The following CYP4F22 variants were observed in gnomAD, a reference collection of about 807,000 sequenced individuals.
CYP4F22 encodes the protein ultra-long-chain fatty acid omega-hydroxylase.
In CYP4F22, 37 loss-of-function variants were observed where a neutral mutation model predicts 60.4. The ratio of observed to expected loss-of-function variants is 0.61; its 90% CI spans 0.47 to 0.81. The LOEUF (loss-of-function observed/expected upper bound fraction) is 0.81, where lower values mean the gene tolerates loss of function less well. Among genes scored for constraint, CYP4F22 ranks in the 30% least tolerant of loss-of-function variants. CYP4F22 has a pLI of 0.00. For missense variants in CYP4F22, 655 were observed against 715.0 expected, an observed-to-expected ratio of 0.92 and a Z score of 0.96; for synonymous variants, 258 against 280.5, an observed-to-expected ratio of 0.92 and a Z score of 0.80.
chr19:15,550,984 C>T (rs539504980), intron 13 of CYP4F22, among the ~76,000 whole-genome samples: 1 of 152,242 alleles, frequency 6.6e-6, no homozygotes, highest in East Asian at 1.9e-4. Context: ...TGGGCTCCCA[C>T]GCTCCCATTG....
chr19:15,515,817 G>A (rs1290091477), intron 1 of CYP4F22, among the ~76,000 whole-genome samples: 2 of 151,878 alleles, frequency 1.3e-5, no homozygotes, highest in Admixed American at 1.3e-4. Context: ...TCTGCCTCCT[G>A]GGTTCACGCC....
chr19:15,528,930 T>C (rs554633043), intron 3 of CYP4F22, among the ~76,000 whole-genome samples: 49 of 152,146 alleles, frequency 3.2e-4, no homozygotes, highest in African/African-American at 1.1e-3. Context: ...ATTATTGTGT[T>C]TATCATTACT....
intron 1 of CYP4F22, among the ~76,000 whole-genome samples, chr19:15,518,737 T>C (rs928013854): frequency 6.8e-6 from 1 of 146,548 alleles, no homozygotes; most frequent in Admixed American, 6.8e-5. Context: ...CTAAATTTCA[T>C]TTAGAGCAAA....
intron 1 of CYP4F22, chr19:15,516,060 A>C (rs1971151613): frequency 6.6e-6 from 1 of 152,206 alleles, no homozygotes; most frequent in Non-Finnish European, 1.5e-5. Flanking sequence ...AAAAAGAAAA[A>C]GATGTTTAGT....
chr19:15,510,331 G>A (rs564199473), intron 1 of CYP4F22, among the ~76,000 whole-genome samples: 2 of 152,200 alleles, frequency 1.3e-5, no homozygotes, highest in East Asian at 3.9e-4. Flanking sequence ...AACCCCAGAT[G>A]GCCAGGTCAC....
rs1475268624 is a variant in CYP4F22 at position 15,547,980 on chromosome 19, AGAGAGAGAGAGAGAGG to A, written c.1137-120_1137-105del. 1.1e-4 allele frequency: 112 copies of A among 1,004,074 alleles called. 1 individual carries two copies. The highest frequency in any genetic ancestry group is 9.2e-4 in the African/African-American group (32 of 34,780). 62.2% of individuals were successfully genotyped at this position (1,004,074 alleles called of 1,614,324 possible). ...GCCCAGCTGCCCCTGAGAGAGAGAG[AGAGAGAGAGAGAGAGG>A]GAGAGAGTGTGTGTGTGTGTGTGTG... On this transcript the variant is annotated intron_variant, in intron 10 of 13. Coordinates refer to ENST00000269703, the MANE Select transcript of CYP4F22 (RefSeq NM_173483.4).
intron 1 of CYP4F22, among the ~76,000 whole-genome samples, chr19:15,514,941 G>A (rs1010959657): frequency 1.1e-4 from 16 of 152,172 alleles, no homozygotes; most frequent in African/African-American, 3.4e-4. Flanking sequence ...TCTCTGGTGT[G>A]GCTGTCCAGG....
intron 1 of CYP4F22, among the ~76,000 whole-genome samples, chr19:15,516,260 C>A (rs1020725566): frequency 1.3e-5 from 2 of 152,200 alleles, no homozygotes; most frequent in Non-Finnish European, 2.9e-5. Flanking sequence ...ACAGGCATGT[C>A]CCAGCTCGCA....
At chr19:15,510,988 T>G (rs1278912523) in intron 1 of CYP4F22, among the ~76,000 whole-genome samples, 7 of 128,584 alleles carry the variant, frequency 5.4e-5, no homozygotes, top group African/African-American at 2.1e-4. Context: ...TTTTTTGAGA[T>G]GGAGTTTTGC....
chr19:15,550,626 G>T, intron 12 of CYP4F22, 48 bp from the exon 13 acceptor site: 1 of 1,597,486 alleles, frequency 6.3e-7, no homozygotes, highest in Non-Finnish European at 8.6e-7. Context: ...GCCAGGCTGG[G>T]ATGTCTGGGG....
At chr19:15,512,879 C>G (rs573473249) in intron 1 of CYP4F22, among the ~76,000 whole-genome samples, 4 of 150,434 alleles carry the variant, frequency 2.7e-5, no homozygotes, top group Non-Finnish European at 5.9e-5. Flanking sequence ...TATAGGAAAC[C>G]AAAACGACTG....
At position 15,515,208 on chromosome 19, in the gene CYP4F22, G is replaced by C. The variant is rs990482762; in HGVS notation, c.-109+6625G>C. 3 of 583,740 alleles carry C rather than the reference G, an allele frequency of 5.1e-6. No homozygotes were observed. In the African/African-American group the frequency reaches 5.6e-5, roughly 11 times the overall value. The allele number at this position is 583,740 out of a possible 1,614,324, so 36.2% of individuals were successfully genotyped here. The stretch of plus-strand genomic sequence containing the variant: ...AGCCACCTCCCCTGTTGTGTTCCCT[G>C]CTGCTGCCCACATCCTTTACCCACC... On this transcript the variant is annotated intron_variant, in intron 1 of 13. Transcript: ENST00000269703.
Position 15,551,513 on chromosome 19 carries a change from C to A in CYP4F22, c.*42C>A. ...GCGGCTCCCGAGGGTCCAGGCCCCG[C>A]CCCCAAAGGACCAGGACTCGCCCCA... On this transcript the variant is annotated 3_prime_UTR_variant, in exon 14 of 14. Coordinates refer to ENST00000269703, the MANE Select transcript of CYP4F22 (RefSeq NM_173483.4). 1.3e-6 allele frequency: 2 copies of A among 1,539,320 alleles called. No homozygotes were observed. Among genetic ancestry groups the A allele is most frequent in the Non-Finnish European group, 1.7e-6 (2 of 1,143,194 alleles).
intron 10 of CYP4F22, among the ~76,000 whole-genome samples, chr19:15,546,660 T>C (rs1029247240): frequency 1.3e-5 from 2 of 152,206 alleles, no homozygotes; most frequent in African/African-American, 2.4e-5. Flanking sequence ...TTAGCCCAAT[T>C]TTGGGCCCTA....
At chr19:15,548,311 G>A (rs1369395954) in intron 11 of CYP4F22, 70 bp downstream of exon 11, 5 of 1,606,162 alleles carry the variant, frequency 3.1e-6, no homozygotes, top group Non-Finnish European at 4.2e-6. Flanking sequence ...TGTCCACAGG[G>A]GCCTGGCTAT....
At position 15,524,764 on chromosome 19, in the gene CYP4F22, G is replaced by A. The variant is rs546553363; in HGVS notation, c.-1-572G>A. 1.5e-4 allele frequency among the ~76,000 whole-genome samples: 23 copies of A among 152,246 alleles called. 1 individual carries two copies. The South Asian group carries it at 2.3e-3, about 15-fold the overall frequency. On this transcript the variant is annotated intron_variant, in intron 2 of 13. Transcript: ENST00000269703. ...GGTGGTAGTTGCATTATATGTAAATGTACTCAATGCCACTGAATTATTCCC... is the reference window on the plus strand; with the variant it reads ...GGTGGTAGTTGCATTATATGTAAATATACTCAATGCCACTGAATTATTCCC...
At chr19:15,509,904 C>CCTTTCTTTCCTTCTTTCTTT (rs1555725972) in intron 1 of CYP4F22, among the ~76,000 whole-genome samples, 1 of 86,696 alleles carries the variant, frequency 1.2e-5, no homozygotes, top group Non-Finnish European at 2.5e-5. Flanking sequence ...TTCCTTCCTT[C>CCTTTCTTTCCTTCTTTCTTT]CTTTCTTTCT....
intron 10 of CYP4F22, among the ~76,000 whole-genome samples, chr19:15,546,390 C>G (rs890011038): frequency 6.6e-6 from 1 of 152,178 alleles, no homozygotes; most frequent in Admixed American, 6.5e-5. Flanking sequence ...TCAAGACCAA[C>G]CTGGGCAACA....
At chr19:15,514,288 G>A (rs1477926780) in intron 1 of CYP4F22, among the ~76,000 whole-genome samples, 5 of 152,164 alleles carry the variant, frequency 3.3e-5, no homozygotes, top group Middle Eastern at 3.2e-3. Flanking sequence ...CTACATACAC[G>A]TGGATATGAT....
Sources: allele counts gnomAD v4.1 joint callset (sites outside exome capture counted in the v4.1 genomes callset), GRCh38; gene constraint gnomAD v4.1.1; transcripts MANE v1.5; gene names NCBI Gene and HGNC (gene_info 2026-07-23, HGNC 2026-07-21).